Variants in IARS2 observed in about 807,000 individuals in gnomAD.
IARS2 encodes isoleucine--tRNA ligase, mitochondrial.
Under a neutral mutation model 126.3 loss-of-function variants are expected in IARS2, and 56 were observed. The ratio of observed to expected loss-of-function variants is 0.44; its 90% confidence interval spans 0.36 to 0.55. The LOEUF (loss-of-function observed/expected upper bound fraction) is 0.55. IARS2 is among the 20% of genes least tolerant of loss of function. The pLI is 0.00. For missense variants in IARS2, 1,127 were observed against 1,245.9 expected (o/e 0.90, Z 1.44); for synonymous variants, 407 against 441.1 (o/e 0.92, Z 0.97).
chr1:220,107,919 G>A (rs1470881500), intron 10 of IARS2, among the ~76,000 whole-genome samples: 5 of 151,916 alleles, frequency 3.3e-5, no homozygotes, highest in Non-Finnish European at 7.4e-5. Flanking sequence ...TTGTTTTTTC[G>A]AGACAATCTC....
chr1:220,101,996 G>A (rs1656583940), intron 3 of IARS2, 133 bp from the exon 4 acceptor site: 3 of 773,360 alleles, frequency 3.9e-6, no homozygotes, highest in Non-Finnish European at 6.3e-6. Flanking sequence ...GGGTGACAGC[G>A]AGACTGTGTC....
intron 12 of IARS2, among the ~76,000 whole-genome samples, chr1:220,120,373 C>T (rs576079304): frequency 5.4e-5 from 8 of 149,294 alleles, no homozygotes; most frequent in Admixed American, 4.7e-4. Flanking sequence ...TGAACCACCG[C>T]GCCCGGCCTT....
intron 9 of IARS2, 97 bp from the exon 10 acceptor site, chr1:220,106,964 G>A: frequency 1.2e-6 from 1 of 859,692 alleles, no homozygotes; most frequent in Non-Finnish European, 2.0e-6. Flanking sequence ...AAAAAGACCA[G>A]GCTATACTGA....
intron 13 of IARS2, among the ~76,000 whole-genome samples, chr1:220,126,106 C>CA (rs372363841): frequency 0.087 from 7,062 of 81,224 alleles, 248 homozygotes; most frequent in East Asian, 0.16. Flanking sequence ...AACTCTGTCT[C>CA]AAAAAAAAAA....
chr1:220,138,114 A>G lies in IARS2; in HGVS notation c.2175+71A>G, dbSNP rs191562669. ...ATCATTGTTTTAAAAAATGAGACAC[A>G]TTTTGTTTGGAACTGAAAAAAACTG... On this transcript the variant is annotated intron_variant, in intron 17 of 22. Transcript: ENST00000366922. 1.5e-4 allele frequency: 232 copies of G among 1,532,106 alleles called. 1 individual carries two copies. In the East Asian group the frequency reaches 4.4e-3, roughly 29 times the overall value. The allele number at this position is 1,532,106 out of a possible 1,614,324, so 94.9% of individuals were successfully genotyped here.
At chr1:220,119,602 A>G (rs1040025390) in intron 12 of IARS2, among the ~76,000 whole-genome samples, 3 of 152,110 alleles carry the variant, frequency 2.0e-5, no homozygotes, top group African/African-American at 4.8e-5. Context: ...TCTTTTAAGT[A>G]TTATCTTGGT....
chr1:220,119,499 T>G (rs1470535713), intron 12 of IARS2, among the ~76,000 whole-genome samples: 5 of 152,138 alleles, frequency 3.3e-5, no homozygotes, highest in Non-Finnish European at 5.9e-5. Flanking sequence ...GGAATTTTCC[T>G]GCATTTTTTT....
chr1:220,140,403 C>G (rs116865543), intron 19 of IARS2, 114 bp downstream of exon 19: 3 of 640,216 alleles, frequency 4.7e-6, no homozygotes, highest in Non-Finnish European at 8.2e-6. Flanking sequence ...GCCAGGAGTT[C>G]GAGACCAGTA....
At chr1:220,107,574 A>G (rs889785326) in intron 10 of IARS2, among the ~76,000 whole-genome samples, 3 of 152,212 alleles carry the variant, frequency 2.0e-5, no homozygotes, top group Admixed American at 2.0e-4. Context: ...TCCTTTACAG[A>G]TTCAGAGACC....
chr1:220,106,334 T>C (rs1656680514), intron 9 of IARS2, among the ~76,000 whole-genome samples: 1 of 152,184 alleles, frequency 6.6e-6, no homozygotes, highest in Admixed American at 6.5e-5. Flanking sequence ...CATAGACAAA[T>C]TACTTTTATT....
At chr1:220,124,616 T>C (rs1657116961) in intron 12 of IARS2, among the ~76,000 whole-genome samples, 1 of 152,206 alleles carries the variant, frequency 6.6e-6, no homozygotes, top group African/African-American at 2.4e-5. Context: ...GTCATATAAA[T>C]ACAAAGTGAC....
intron 10 of IARS2, among the ~76,000 whole-genome samples, chr1:220,108,441 C>T (rs1443408919): frequency 6.6e-6 from 1 of 151,584 alleles, no homozygotes; most frequent in Non-Finnish European, 1.5e-5. Context: ...GGCTGGAGTA[C>T]AGTGGCACGA....
chr1:220,147,703 C>A lies in IARS2; in HGVS notation c.*68C>A. On this transcript the variant is annotated 3_prime_UTR_variant, in exon 23 of 23. Coordinates refer to ENST00000366922, the MANE Select transcript of IARS2 (RefSeq NM_018060.4). Reference sequence around the variant, plus strand: ...GCTAGAAGTTTGGATGGATTATTTACAATATAGGAAAGAAAGCCAAGATTT... The same window carrying A: ...GCTAGAAGTTTGGATGGATTATTTAAAATATAGGAAAGAAAGCCAAGATTT... The A allele has an allele frequency of 8.5e-6, 13 of 1,529,514 alleles. No homozygotes were observed. The highest frequency in any genetic ancestry group is 3.8e-5 in the Admixed American group (2 of 53,194). 94.7% of individuals were successfully genotyped at this position (1,529,514 alleles called of 1,614,324 possible).
intron 14 of IARS2, among the ~76,000 whole-genome samples, chr1:220,129,331 A>G (rs1053672925): frequency 8.5e-5 from 13 of 152,208 alleles, no homozygotes; most frequent in African/African-American, 2.9e-4. Flanking sequence ...TAAGATATCT[A>G]TCATCTCAAA....
In IARS2 at chr1:220,145,636, T is replaced by A; in HGVS notation, c.2879T>A (p.Phe960Tyr). ...GATGTAATCGAGCTTAAAGGGAAAT[T>A]CCTCATCAACTTAGAAGGTAAGAAG... ...TADVIELKGK[F>Y]LINLEGGDIR... Residue 960 changes from phenylalanine to tyrosine, a missense_variant, in exon 22 of 23, where the codon TTC (phenylalanine) becomes TAC (tyrosine). By Grantham distance (22) the Phe-to-Tyr change is conservative. Coordinates refer to ENST00000366922, the MANE Select transcript of IARS2 (RefSeq NM_018060.4). 1.2e-6 allele frequency: 2 copies of A among 1,612,762 alleles called. No homozygotes were observed. Among genetic ancestry groups the A allele is most frequent in the Non-Finnish European group, 1.7e-6 (2 of 1,179,162 alleles).
intron 16 of IARS2, among the ~76,000 whole-genome samples, chr1:220,137,464 TTGTC>T (rs1657399475): frequency 6.6e-6 from 1 of 152,224 alleles, no homozygotes; most frequent in Non-Finnish European, 1.5e-5. Context: ...ATTAAATCAT[TTGTC>T]TGTTTTTTTC....
At chr1:220,147,275 G>GAGTC (rs1487194590) in intron 22 of IARS2, among the ~76,000 whole-genome samples, 2 of 152,138 alleles carry the variant, frequency 1.3e-5, no homozygotes, top group Non-Finnish European at 2.9e-5. Context: ...GTTAATCTCA[G>GAGTC]AGTCACGGGG....
At chr1:220,132,706 A>G (rs1657294162) in intron 14 of IARS2, among the ~76,000 whole-genome samples, 1 of 151,474 alleles carries the variant, frequency 6.6e-6, no homozygotes, top group African/African-American at 2.4e-5. Context: ...TTGCGTTTTT[A>G]GTAGAGATGG....
Position 220,145,522 on chromosome 1 carries a change from A to G in IARS2, c.2765A>G (p.Glu922Gly), listed in dbSNP as rs535682783. 7.4e-6 allele frequency: 12 copies of G among 1,611,808 alleles called. No individual in the cohort carries two copies. Among genetic ancestry groups the G allele is most frequent in the Middle Eastern group, 1.7e-4 (1 of 6,050 alleles). The change falls in exon 22 of 23, where the codon GAA (glutamate) becomes GGA (glycine). Residue 922 changes from glutamate to glycine, a missense_variant. Transcript: ENST00000366922. Reference sequence around the variant, plus strand: ...GCTTCCTTCCAGATGCTGCAGTCTGAAGAGACTTCCAGCACCTCTCAGTTG... The same window carrying G: ...GCTTCCTTCCAGATGCTGCAGTCTGGAGAGACTTCCAGCACCTCTCAGTTG... ...LFEIIEMLQS[E>G]ETSSTSQLNE...
Sources: gnomAD v4.1 joint callset for allele counts (sites outside exome capture counted in the v4.1 genomes callset) on GRCh38, gnomAD v4.1.1 for gene constraint, MANE v1.5 for transcripts, NCBI Gene and HGNC (gene_info 2026-07-23, HGNC 2026-07-21) for gene names.